The following UGT8 variants were observed in gnomAD, a reference collection of about 807,000 sequenced individuals.
UGT8 encodes 2-hydroxyacylsphingosine 1-beta-galactosyltransferase.
Under a neutral mutation model 40.5 loss-of-function variants are expected in UGT8, and 12 were observed. The ratio of observed to expected loss-of-function variants is 0.30; its 90% CI spans 0.19 to 0.48. The LOEUF (loss-of-function observed/expected upper bound fraction) is 0.48, where lower values mean the gene tolerates loss of function less well. Ranked by LOEUF, UGT8 falls within the 20% of genes least tolerant of loss-of-function variation. The pLI is 0.99. For missense variants in UGT8, 513 were observed against 648.7 expected, an observed-to-expected ratio of 0.79 and a Z score of 2.27; for synonymous variants, 224 against 240.4, an observed-to-expected ratio of 0.93 and a Z score of 0.63.
intron 1 of UGT8, among the ~76,000 whole-genome samples, chr4:114,611,189 C>A (rs1044120410): frequency 6.6e-6 from 1 of 151,828 alleles, no homozygotes; most frequent in African/African-American, 2.4e-5. Context: ...ACACGTTAGA[C>A]TGTAAAGCCT....
chr4:114,678,010 AC>A lies in UGT8; in HGVS notation c.*1724del, dbSNP rs1400129421. 6.6e-6 allele frequency: 1 copy of A among 152,244 alleles called. No homozygotes were observed. The highest frequency in any genetic ancestry group is 1.9e-4 in the East Asian group (1 of 5,196). 9.4% of individuals were successfully genotyped at this position (152,244 alleles called of 1,614,324 possible). A position where few individuals can be genotyped will look rare whatever the true frequency, so the allele number is the denominator to read the frequency against. On this transcript the variant is annotated 3_prime_UTR_variant, in exon 6 of 6. Coordinates refer to ENST00000310836, the MANE Select transcript of UGT8 (RefSeq NM_001128174.3). Reference sequence around the variant, plus strand: ...ACATACATAGAAACTTATTAGTTATACCTTTTCACAATCTTATTACGATGTT... The same window carrying A: ...ACATACATAGAAACTTATTAGTTATACTTTTCACAATCTTATTACGATGTT...
At chr4:114,657,796 A>G (rs1734279073) in intron 2 of UGT8, among the ~76,000 whole-genome samples, 1 of 152,150 alleles carries the variant, frequency 6.6e-6, no homozygotes, top group African/African-American at 2.4e-5. Context: ...TTTAGTTGAC[A>G]AAGCACTTTT....
chr4:114,626,849 AAGATTGTC>A (rs1246112449), intron 2 of UGT8, among the ~76,000 whole-genome samples: 2 of 152,238 alleles, frequency 1.3e-5, no homozygotes, highest in Non-Finnish European at 2.9e-5. Context: ...ATGTCTCTCA[AAGATTGTC>A]AGGGCTTAAT....
intron 2 of UGT8, among the ~76,000 whole-genome samples, chr4:114,637,961 G>A (rs376956312): frequency 2.0e-5 from 3 of 152,240 alleles, no homozygotes; most frequent in South Asian, 4.1e-4. Flanking sequence ...GCTAAAATAC[G>A]TAACCTCATA....
At chr4:114,650,310 G>A (rs1733824978) in intron 2 of UGT8, among the ~76,000 whole-genome samples, 1 of 152,100 alleles carries the variant, frequency 6.6e-6, no homozygotes, top group Non-Finnish European at 1.5e-5. Context: ...TTCCACATTT[G>A]TATCTATTTA....
At chr4:114,611,031 A>G (rs1731007607) in intron 1 of UGT8, among the ~76,000 whole-genome samples, 1 of 152,076 alleles carries the variant, frequency 6.6e-6, no homozygotes, top group South Asian at 2.1e-4. Context: ...ATTGCAGGAG[A>G]AGATGAAAGT....
intron 5 of UGT8, among the ~76,000 whole-genome samples, chr4:114,674,715 C>A (rs1735511319): frequency 6.6e-6 from 1 of 152,210 alleles, no homozygotes; most frequent in South Asian, 2.1e-4. Flanking sequence ...TTAGTTTACA[C>A]TCTTCTCTTG....
At position 114,665,587 on chromosome 4, in the gene UGT8, A is replaced by T. The variant is rs1734809944; in HGVS notation, c.966-93A>T. Reference sequence around the variant, plus strand: ...AAGAATATCAACAAAAGATCATCAAACATTTATTTTAAATCTCATAATTTA... The same window carrying T: ...AAGAATATCAACAAAAGATCATCAATCATTTATTTTAAATCTCATAATTTA... On this transcript the variant is annotated intron_variant, in intron 3 of 5. Transcript: ENST00000310836. 7.2e-6 allele frequency: 9 copies of T among 1,255,754 alleles called. 1 individual carries two copies. In the South Asian group the frequency reaches 1.9e-4, roughly 26 times the overall value. The allele number at this position is 1,255,754 out of a possible 1,614,324, so 77.8% of individuals were successfully genotyped here. A position where few individuals can be genotyped will look rare whatever the true frequency, so the allele number is the denominator to read the frequency against.
chr4:114,624,189 C>T (rs1732039621), intron 2 of UGT8, among the ~76,000 whole-genome samples: 1 of 152,096 alleles, frequency 6.6e-6, no homozygotes, highest in South Asian at 2.1e-4. Context: ...GTGGTAACTT[C>T]CATCAAAGTA....
chr4:114,672,163 G>T (rs943207626), intron 5 of UGT8, among the ~76,000 whole-genome samples: 2 of 152,144 alleles, frequency 1.3e-5, no homozygotes, highest in African/African-American at 4.8e-5. Context: ...TAAAAAGTCA[G>T]GAAACAATAG....
chr4:114,603,652 C>G (rs925437609), intron 1 of UGT8, among the ~76,000 whole-genome samples: 1 of 152,058 alleles, frequency 6.6e-6, no homozygotes, highest in African/African-American at 2.4e-5. Flanking sequence ...GTTCCCACCC[C>G]CTCTCGAGCC....
intron 2 of UGT8, among the ~76,000 whole-genome samples, chr4:114,658,662 C>A (rs973244633): frequency 6.6e-6 from 1 of 152,010 alleles, no homozygotes. Context: ...AAGCTACTTA[C>A]AATTTTCTTG....
At position 114,676,545 on chromosome 4, in the gene UGT8, A is replaced by G. The variant is rs994239282; in HGVS notation, c.*257A>G. ...TTAGAAGCCTTAATTATTTAAATCAATTCAGTGACTGTGTCAGACCTTAGT... is the reference window on the plus strand; with the variant it reads ...TTAGAAGCCTTAATTATTTAAATCAGTTCAGTGACTGTGTCAGACCTTAGT... On this transcript the variant is annotated 3_prime_UTR_variant, in exon 6 of 6. Coordinates refer to ENST00000310836, the MANE Select transcript of UGT8 (RefSeq NM_001128174.3). 2 of 359,286 alleles carry G rather than the reference A, an allele frequency of 5.6e-6. No individual in the cohort carries two copies. Among genetic ancestry groups the G allele is most frequent in the South Asian group, 9.3e-5 (2 of 21,620 alleles). The allele number at this position is 359,286 out of a possible 1,614,324, so 22.3% of individuals were successfully genotyped here. A position where few individuals can be genotyped will look rare whatever the true frequency, so the allele number is the denominator to read the frequency against.
rs929499429 is a variant in UGT8 at position 114,676,396 on chromosome 4, A to T, written c.*108A>T. 1 of 928,644 alleles carries T rather than the reference A, an allele frequency of 1.1e-6. No individual in the cohort carries two copies. The highest frequency in any genetic ancestry group is 2.6e-5 in the Admixed American group (1 of 38,262). The allele number at this position is 928,644 out of a possible 1,614,324, so 57.5% of individuals were successfully genotyped here. A position where few individuals can be genotyped will look rare whatever the true frequency, so the allele number is the denominator to read the frequency against. On this transcript the variant is annotated 3_prime_UTR_variant, in exon 6 of 6. Transcript: ENST00000310836. The stretch of plus-strand genomic sequence containing the variant: ...TAAAACATCAGTAAACAATTCTAAC[A>T]TGCCCTTATGAGATCTACTAATGAA...
chr4:114,666,394 A>C (rs1734881383), intron 4 of UGT8, among the ~76,000 whole-genome samples: 2 of 152,148 alleles, frequency 1.3e-5, no homozygotes, highest in Non-Finnish European at 2.9e-5. Context: ...TAACTAAATT[A>C]GTTTTTTAAC....
chr4:114,668,909 A>C (rs1735063116), intron 5 of UGT8, among the ~76,000 whole-genome samples: 1 of 152,226 alleles, frequency 6.6e-6, no homozygotes, highest in South Asian at 2.1e-4. Context: ...CTAGTTCACC[A>C]ATGAGTCTCA....
At chr4:114,660,937 C>G (rs1734491079) in intron 2 of UGT8, among the ~76,000 whole-genome samples, 1 of 151,590 alleles carries the variant, frequency 6.6e-6, no homozygotes, top group African/African-American at 2.4e-5. Context: ...CTTTTAATCG[C>G]TCTTTGACTT....
At chr4:114,601,814 CA>C (rs1440195014) in intron 1 of UGT8, among the ~76,000 whole-genome samples, 1 of 150,946 alleles carries the variant, frequency 6.6e-6, no homozygotes, top group Non-Finnish European at 1.5e-5. Flanking sequence ...ACAGAAGTAC[CA>C]TTCTTCTTTT....
chr4:114,674,874 T>C (rs956899299), intron 5 of UGT8, among the ~76,000 whole-genome samples: 5 of 152,232 alleles, frequency 3.3e-5, no homozygotes, highest in African/African-American at 1.2e-4. Context: ...CATGAATTCA[T>C]GCAAGGGGGA....
Sources: allele counts gnomAD v4.1 joint callset (sites outside exome capture counted in the v4.1 genomes callset), GRCh38; gene constraint gnomAD v4.1.1; transcripts MANE v1.5; gene names NCBI Gene and HGNC (gene_info 2026-07-23, HGNC 2026-07-21).